The following EML5 variants were observed in gnomAD, a reference collection of about 807,000 sequenced individuals.
EML5 encodes the protein echinoderm microtubule-associated protein-like 5.
Under a neutral mutation model 250.0 loss-of-function variants are expected in EML5, and 120 were observed. The ratio of observed to expected loss-of-function variants is 0.48; its 90% CI spans 0.41 to 0.56. The LOEUF is 0.56. Ranked by LOEUF, EML5 falls within the 20% of genes least tolerant of loss-of-function variation. EML5 has a pLI of 0.00. For missense variants in EML5, 2,006 were observed against 2,437.6 expected (o/e 0.82, Z 3.73); for synonymous variants, 771 against 806.5 (o/e 0.96, Z 0.75).
chr14:88,777,371 A>G (rs2094456756), intron 1 of EML5, among the ~76,000 whole-genome samples: 1 of 152,180 alleles, frequency 6.6e-6, no homozygotes, highest in South Asian at 2.1e-4. Flanking sequence ...AGAAACAAAG[A>G]CTTTCCCAAA....
intron 4 of EML5, among the ~76,000 whole-genome samples, chr14:88,741,913 G>T (rs569328938): frequency 4.6e-5 from 7 of 152,052 alleles, no homozygotes; most frequent in East Asian, 1.9e-4. Flanking sequence ...TCTATTCAAA[G>T]ATCTAATGAG....
intron 42 of EML5, 92 bp downstream of exon 42, chr14:88,616,634 A>G: frequency 7.8e-7 from 1 of 1,289,700 alleles, no homozygotes; most frequent in Non-Finnish European, 1.0e-6. Flanking sequence ...AGAAATTAGG[A>G]CAAAACATTT....
At chr14:88,665,536 T>A in intron 21 of EML5, 47 bp from the exon 22 acceptor site, 1 of 1,611,230 alleles carries the variant, frequency 6.2e-7, no homozygotes, top group Non-Finnish European at 8.5e-7. Context: ...TTTTCTAATT[T>A]AAAGTATGGG....
chr14:88,635,678 T>C (rs554454947), intron 32 of EML5, among the ~76,000 whole-genome samples: 1 of 152,110 alleles, frequency 6.6e-6, no homozygotes, highest in Non-Finnish European at 1.5e-5. Context: ...CCTGTCTCAT[T>C]CTCTTCCATC....
intron 1 of EML5, among the ~76,000 whole-genome samples, 188 bp from the exon 2 acceptor site, chr14:88,754,859 A>G (rs1403497721): frequency 1.3e-5 from 2 of 152,200 alleles, no homozygotes; most frequent in East Asian, 1.9e-4. Context: ...GCTGGAGTGC[A>G]GTGGTGTGAT....
intron 21 of EML5, among the ~76,000 whole-genome samples, chr14:88,679,933 C>T (rs1269503301): frequency 6.6e-6 from 1 of 152,042 alleles, no homozygotes; most frequent in East Asian, 1.9e-4. Flanking sequence ...GAAAAATTTG[C>T]TCAAAATTAA....
At chr14:88,700,139 T>C (rs2093175622) in intron 14 of EML5, among the ~76,000 whole-genome samples, 1 of 152,176 alleles carries the variant, frequency 6.6e-6, no homozygotes, top group Admixed American at 6.5e-5. Context: ...TAAACAAAAT[T>C]TCCAAATTAT....
At position 88,615,778 on chromosome 14, in the gene EML5, C is replaced by A. The variant is rs1229238659; in HGVS notation, c.*40G>T. On this transcript the variant is annotated 3_prime_UTR_variant, in exon 44 of 44. Transcript: ENST00000554922. The stretch of plus-strand genomic sequence containing the variant: ...GTTTTGGTTTTTCTTCTCTGTAATT[C>A]TGGTCTCAAAGTTAATTTCTGTAGT... The A allele has an allele frequency of 4.4e-6, 7 of 1,597,210 alleles. No individual in the cohort carries two copies. Among genetic ancestry groups the A allele is most frequent in the Admixed American group, 1.7e-5 (1 of 57,552 alleles).
At chr14:88,709,188 TAGTAAA>T (rs2093365579) in intron 10 of EML5, among the ~76,000 whole-genome samples, 1 of 151,928 alleles carries the variant, frequency 6.6e-6, no homozygotes, top group African/African-American at 2.4e-5. Context: ...TTTCTGACCC[TAGTAAA>T]AGTAAGAATT....
In EML5 at chr14:88,614,063, CAG is replaced by C. The variant is rs1483524168; in HGVS notation, c.*1753_*1754del. 1 of 152,192 alleles carries C rather than the reference CAG, an allele frequency of 6.6e-6. No individual in the cohort carries two copies. Among genetic ancestry groups the C allele is most frequent in the African/African-American group, 2.4e-5 (1 of 41,450 alleles). The allele number at this position is 152,192 out of a possible 1,614,324, so 9.4% of individuals were successfully genotyped here. On this transcript the variant is annotated 3_prime_UTR_variant, in exon 44 of 44. Transcript: ENST00000554922. ...TATGTAGTTTACATGCTTAAGGTTA[CAG>C]AGTTTCTACCTGCACTGTAATGGAA...
At chr14:88,686,899 A>T (rs922869286) in intron 19 of EML5, among the ~76,000 whole-genome samples, 2 of 152,222 alleles carry the variant, frequency 1.3e-5, no homozygotes, top group African/African-American at 4.8e-5. Flanking sequence ...GTGAAACAAA[A>T]TATCAAAGTT....
chr14:88,705,990 T>C (rs554082099), intron 11 of EML5: 9 of 521,796 alleles, frequency 1.7e-5, no homozygotes, highest in Non-Finnish European at 2.7e-5. Flanking sequence ...TCAGAGGATA[T>C]ATTAAATGTT....
chr14:88,698,557 G>A (rs142505551), intron 14 of EML5, among the ~76,000 whole-genome samples: 43 of 152,178 alleles, frequency 2.8e-4, no homozygotes, highest in Non-Finnish European at 5.1e-4. Flanking sequence ...GAGCCACGGC[G>A]CCCAGCTTCC....
chr14:88,681,523 G>GT (rs2092712808), intron 21 of EML5, among the ~76,000 whole-genome samples: 1 of 152,144 alleles, frequency 6.6e-6, no homozygotes, highest in Non-Finnish European at 1.5e-5. Context: ...TCTACCCTTA[G>GT]TTTTTAGTTC....
intron 2 of EML5, among the ~76,000 whole-genome samples, chr14:88,753,167 C>T (rs1421624379): frequency 6.6e-6 from 1 of 152,112 alleles, no homozygotes; most frequent in East Asian, 1.9e-4. Context: ...TAGATGCTGC[C>T]ACAGGCAAGC....
At chr14:88,684,887 TC>T in intron 20 of EML5, 127 bp downstream of exon 20, 3 of 805,770 alleles carry the variant, frequency 3.7e-6, no homozygotes, top group East Asian at 6.3e-5. Flanking sequence ...AAATTTTTTT[TC>T]TGTATACATT....
chr14:88,792,236 A>G lies in EML5; in HGVS notation c.197+71T>C, dbSNP rs2094617199. ...CCGTGCAGGAGCGGTCACGGCGTCC[A>G]GAGGAACCCGCGGGTGCAAACTCCG... On this transcript the variant is annotated intron_variant, in intron 1 of 43. Transcript: ENST00000554922. The surrounding 1 kb of genome is among the most constrained non-coding windows in gnomAD (Gnocchi z 6.9). The G allele has an allele frequency of 6.6e-7, 1 of 1,517,236 alleles. No individual in the cohort carries two copies. Among genetic ancestry groups the G allele is most frequent in the Non-Finnish European group, 8.8e-7 (1 of 1,131,456 alleles). 94.0% of individuals were successfully genotyped at this position (1,517,236 alleles called of 1,614,324 possible).
chr14:88,618,504 G>T, intron 40 of EML5, 146 bp downstream of exon 40: 1 of 1,117,574 alleles, frequency 8.9e-7, no homozygotes, highest in Non-Finnish European at 1.3e-6. Context: ...AAGTGGGGGA[G>T]GAAAGGGGAG....
intron 1 of EML5, among the ~76,000 whole-genome samples, chr14:88,791,214 G>A (rs2094603375): frequency 6.6e-6 from 1 of 152,032 alleles, no homozygotes; most frequent in Non-Finnish European, 1.5e-5. Context: ...TACATACCAG[G>A]GCTTCTTGCC....
Sources: allele counts gnomAD v4.1 joint callset (sites outside exome capture counted in the v4.1 genomes callset), GRCh38; gene constraint gnomAD v4.1.1; non-coding constraint Gnocchi (gnomAD v3.1); transcripts MANE v1.5; gene names NCBI Gene and HGNC (gene_info 2026-07-23, HGNC 2026-07-21).